ADD2: variants seen among roughly 807,000 people sequenced by gnomAD.
ADD2 encodes the protein adducin 2.
A neutral mutation model predicts 83.0 loss-of-function variants in ADD2; 23 were observed. The observed-to-expected ratio is 0.28, with a 90% CI of 0.20 to 0.39. ADD2 has a LOEUF of 0.39. ADD2 is among the 10% of genes least tolerant of loss of function. The pLI, the probability that ADD2 is intolerant of heterozygous loss-of-function variation, is 1.00. For synonymous variants in ADD2, 375 were observed against 375.4 expected, an observed-to-expected ratio of 1.00 and a Z score of 0.01; for missense variants, 758 against 944.9, an observed-to-expected ratio of 0.80 and a Z score of 2.59.
At chr2:70,690,964 C>A (rs997601327) in intron 7 of ADD2, 35 bp from the exon 8 acceptor site, 1 of 1,587,694 alleles carries the variant, frequency 6.3e-7, no homozygotes, top group Non-Finnish European at 8.6e-7. Flanking sequence ...GCACCTGCAG[C>A]CCTCCCTGCC....
At chr2:70,735,744 T>C (rs1673518102) in intron 1 of ADD2, among the ~76,000 whole-genome samples, 1 of 151,688 alleles carries the variant, frequency 6.6e-6, no homozygotes, top group South Asian at 2.1e-4. Context: ...TCTTTTGAGA[T>C]GGAGTTTCAC....
intron 4 of ADD2, among the ~76,000 whole-genome samples, chr2:70,701,655 T>C (rs552429741): frequency 2.0e-5 from 3 of 152,060 alleles, no homozygotes; most frequent in South Asian, 2.1e-4. Flanking sequence ...TAAATAAGAG[T>C]TCAATAAGGG....
intron 15 of ADD2, among the ~76,000 whole-genome samples, chr2:70,667,593 G>A (rs1295974312): frequency 6.6e-6 from 1 of 152,150 alleles, no homozygotes; most frequent in Non-Finnish European, 1.5e-5. Context: ...ATATTTCTGG[G>A]TGTGTCTGTG....
At chr2:70,750,936 C>T (rs923129474) in intron 1 of ADD2, among the ~76,000 whole-genome samples, 2 of 152,144 alleles carry the variant, frequency 1.3e-5, no homozygotes, top group African/African-American at 4.8e-5. Context: ...GCTCCTCTAC[C>T]ATATTTTACA....
intron 1 of ADD2, among the ~76,000 whole-genome samples, chr2:70,750,233 T>C (rs1553382716): frequency 1.3e-5 from 2 of 152,236 alleles, no homozygotes; most frequent in Non-Finnish European, 2.9e-5. Context: ...TCTTTCTTTT[T>C]CTTTCTCTCA....
chr2:70,666,834 G>A, intron 15 of ADD2, among the ~76,000 whole-genome samples: 1 of 152,200 alleles, frequency 6.6e-6, no homozygotes, highest in South Asian at 2.1e-4. Flanking sequence ...CATCTGCCAT[G>A]ATTCAGAGAG....
intron 6 of ADD2, among the ~76,000 whole-genome samples, chr2:70,693,272 C>T (rs72899692): frequency 5.4e-4 from 83 of 152,320 alleles, no homozygotes; most frequent in African/African-American, 1.9e-3. Context: ...CACTGAACAC[C>T]TCCCCGATTT....
chr2:70,698,669 G>A (rs1011197495), intron 4 of ADD2, among the ~76,000 whole-genome samples: 11 of 151,856 alleles, frequency 7.2e-5, no homozygotes, highest in Non-Finnish European at 1.6e-4. Flanking sequence ...TAAAAATGTC[G>A]CTTGTACCCC....
At chr2:70,767,494 C>A (rs1299410376) in intron 1 of ADD2, 3 of 386,340 alleles carry the variant, frequency 7.8e-6, no homozygotes, top group South Asian at 1.3e-4. Context: ...GGCGGCCGAG[C>A]GGGAAGGAAA....
At chr2:70,689,199 G>A (rs1009261049) in intron 8 of ADD2, among the ~76,000 whole-genome samples, 3 of 152,210 alleles carry the variant, frequency 2.0e-5, no homozygotes, top group African/African-American at 4.8e-5. Flanking sequence ...ACTCAGTCAG[G>A]GAAAGCTGAG....
rs1673407118 is a variant in ADD2, at chr2:70,734,125, G to A, written c.-153-20941C>T. Among the ~76,000 whole-genome samples the A allele has an allele frequency of 2.0e-5, 3 of 152,164 alleles. No homozygotes were observed. The South Asian group carries it at 6.2e-4, about 32-fold the overall frequency. ...AATTTCTAGCACATCACTGGAGTTGGGGGCTCTATTAATGGCTCAAACCAA... is the reference window on the plus strand; with the variant it reads ...AATTTCTAGCACATCACTGGAGTTGAGGGCTCTATTAATGGCTCAAACCAA... On this transcript the variant is annotated intron_variant, in intron 1 of 15. Coordinates refer to ENST00000264436, the MANE Select transcript of ADD2 (RefSeq NM_001617.4).
chr2:70,677,874 T>A lies in ADD2; in HGVS notation c.1387A>T (p.Met463Leu), dbSNP rs782723909. 1.2e-6 allele frequency: 2 copies of A among 1,614,144 alleles called. No homozygotes were observed. The highest frequency in any genetic ancestry group is 4.5e-5 in the East Asian group (2 of 44,880). ...MGSPRPKTTW[M>L]KADEVEKSSS... ...GATTTCTCCACCTCGTCAGCCTTCA[T>A]CCACTGCACAAACACAAGGTCATGG... The change falls in exon 12 of 16, where the codon ATG (methionine) becomes TTG (leucine). Residue 463 changes from methionine (M) to leucine (L), a missense_variant. Met to Leu is a conservative substitution (Grantham distance 15, BLOSUM62 2). Coordinates refer to ENST00000264436, the MANE Select transcript of ADD2 (RefSeq NM_001617.4).
At chr2:70,741,710 C>G (rs544598821) in intron 1 of ADD2, among the ~76,000 whole-genome samples, 1 of 152,300 alleles carries the variant, frequency 6.6e-6, no homozygotes, top group South Asian at 2.1e-4. Context: ...AGCTAAATCT[C>G]TGAGTAAGGA....
intron 1 of ADD2, among the ~76,000 whole-genome samples, chr2:70,745,040 A>G (rs563298484): frequency 1.4e-4 from 22 of 152,244 alleles, no homozygotes; most frequent in Admixed American, 3.3e-4. Context: ...TAATCCCAGC[A>G]CTTTGGGAGG....
At chr2:70,762,213 C>T (rs1675149431) in intron 1 of ADD2, among the ~76,000 whole-genome samples, 1 of 150,748 alleles carries the variant, frequency 6.6e-6, no homozygotes, top group East Asian at 1.9e-4. Context: ...TTAAAATAGA[C>T]AAAAATCAAA....
At chr2:70,720,034 T>C (rs1672657372) in intron 1 of ADD2, among the ~76,000 whole-genome samples, 1 of 72,948 alleles carries the variant, frequency 1.4e-5, no homozygotes, top group African/African-American at 8.6e-5. Context: ...TCCTAAGCCA[T>C]AAGATAAGAG....
intron 1 of ADD2, among the ~76,000 whole-genome samples, chr2:70,754,079 T>G (rs782780571): frequency 5.9e-5 from 9 of 152,098 alleles, no homozygotes; most frequent in Non-Finnish European, 8.8e-5. Flanking sequence ...ATTAATGACA[T>G]GAAAACACAA....
chr2:70,683,022 C>CTTTTTTT (rs35087942), intron 10 of ADD2, among the ~76,000 whole-genome samples: 1 of 124,540 alleles, frequency 8.0e-6, no homozygotes, highest in African/African-American at 3.1e-5. Flanking sequence ...GGAGTATGAC[C>CTTTTTTT]TTTTTTTTTT....
At position 70,659,130 on chromosome 2, in the gene ADD2, G is replaced by A. The variant is rs531111618; in HGVS notation, c.*4295C>T. The A allele has an allele frequency of 3.1e-5, 2 of 64,952 alleles. No individual in the cohort carries two copies. The highest frequency in any genetic ancestry group is 5.6e-5 in the Non-Finnish European group (2 of 35,618). The allele number at this position is 64,952 out of a possible 1,614,324, so 4.0% of individuals were successfully genotyped here. A position where few individuals can be genotyped will look rare whatever the true frequency, so the allele number is the denominator to read the frequency against. ...ACTGCACTCCAGCCTGGGCAACAAA[G>A]AGCAAAGCTCCGTCTAAAAAAAAAA... On this transcript the variant is annotated 3_prime_UTR_variant, in exon 16 of 16. Transcript: ENST00000264436.
Sources: gnomAD v4.1 joint callset for allele counts (sites outside exome capture counted in the v4.1 genomes callset) on GRCh38, gnomAD v4.1.1 for gene constraint, MANE v1.5 for transcripts, NCBI Gene and HGNC (gene_info 2026-07-23, HGNC 2026-07-21) for gene names.